DDX31: variants seen among roughly 807,000 people sequenced by gnomAD.
The protein encoded by DDX31 is ATP-dependent DNA helicase DDX31.
A neutral mutation model predicts 91.3 loss-of-function variants in DDX31; 70 were observed. That is an observed-to-expected ratio of 0.77 (90% CI 0.63 to 0.94). The LOEUF (loss-of-function observed/expected upper bound fraction) is 0.94. DDX31 is among the 40% of genes least tolerant of loss of function. The pLI is 0.00. For missense variants in DDX31, 902 were observed against 925.0 expected (o/e 0.98, Z 0.32); for synonymous variants, 362 against 350.6 (o/e 1.03, Z -0.36).
At chr9:132,660,634 G>A (rs745794698) in intron 4 of DDX31, among the ~76,000 whole-genome samples, 3 of 152,090 alleles carry the variant, frequency 2.0e-5, no homozygotes, top group Non-Finnish European at 4.4e-5. Flanking sequence ...AAAAACTTGT[G>A]GGGAGGTCCC....
chr9:132,606,964 CCA>C (rs1006454433), intron 19 of DDX31, among the ~76,000 whole-genome samples: 3 of 152,170 alleles, frequency 2.0e-5, no homozygotes, highest in African/African-American at 7.2e-5. Flanking sequence ...GAAAACCACC[CCA>C]GAGCTTTGCA....
chr9:132,642,460 G>A (rs1833563280), intron 13 of DDX31, among the ~76,000 whole-genome samples: 1 of 152,102 alleles, frequency 6.6e-6, no homozygotes, highest in African/African-American at 2.4e-5. Flanking sequence ...CTTCTCTACA[G>A]GCAGTTTTTT....
At chr9:132,659,039 G>A (rs748278770) in intron 5 of DDX31, among the ~76,000 whole-genome samples, 1 of 152,212 alleles carries the variant, frequency 6.6e-6, no homozygotes, top group Non-Finnish European at 1.5e-5. Context: ...ATGGCTGTCT[G>A]TAGGAGCCAG....
intron 19 of DDX31, among the ~76,000 whole-genome samples, chr9:132,609,869 C>G (rs140619744): frequency 0.011 from 1,742 of 152,278 alleles, 31 homozygotes; most frequent in African/African-American, 0.04. Flanking sequence ...ATCCACCCGC[C>G]TCGGCCTCCC....
intron 19 of DDX31, among the ~76,000 whole-genome samples, chr9:132,598,889 A>G (rs1286245195): frequency 6.6e-6 from 1 of 152,204 alleles, no homozygotes; most frequent in Non-Finnish European, 1.5e-5. Flanking sequence ...TATTTTGATT[A>G]ATAGAAAAAT....
Position 132,594,980 on chromosome 9 carries a change from C to T in DDX31, c.2127G>A (p.Arg709=). 6.2e-7 allele frequency: 1 copy of T among 1,614,168 alleles called. No homozygotes were observed. Among genetic ancestry groups the T allele is most frequent in the Non-Finnish European group, 8.5e-7 (1 of 1,180,040 alleles). Residue 709 remains arginine, a synonymous_variant, in exon 20 of 20, where the codon CGG becomes CGA. Transcript: ENST00000372159. ...TCGGCTGCAGACTGTGCTGCAGGGG[C>T]CGGCCACCAGGCTCTCCAGGTGCGT... ...KQNAPGEPGG[R]PLQHSLQPTP... is the part of the protein sequence containing the mutation.
intron 13 of DDX31, among the ~76,000 whole-genome samples, chr9:132,644,349 T>C (rs935116181): frequency 2.0e-5 from 3 of 152,236 alleles, no homozygotes; most frequent in Non-Finnish European, 4.4e-5. Flanking sequence ...TCCTGTGTGC[T>C]AGGCCCTGTA....
rs148212530 is a variant in DDX31, at chr9:132,611,614, G to A, written c.1994+473C>T. 8.2e-4 allele frequency among the ~76,000 whole-genome samples: 125 copies of A among 152,204 alleles called. 1 individual carries two copies. The highest frequency in any genetic ancestry group is 2.8e-3 in the African/African-American group (116 of 41,532). ...TGGGAGGAAAGGGGAAGGGCTCACC[G>A]CTCTTGCCTTGATGAGCGCTCACCA... On this transcript the variant is annotated intron_variant, in intron 19 of 19. Transcript: ENST00000372159.
intron 19 of DDX31, among the ~76,000 whole-genome samples, chr9:132,602,955 C>T (rs1035489565): frequency 2.6e-5 from 4 of 152,232 alleles, no homozygotes; most frequent in South Asian, 4.2e-4. Flanking sequence ...ACGGGGCAGG[C>T]GAGAAAGCGG....
intron 17 of DDX31, among the ~76,000 whole-genome samples, chr9:132,622,007 A>T (rs1024050156): frequency 6.6e-6 from 1 of 152,134 alleles, no homozygotes; most frequent in Non-Finnish European, 1.5e-5. Context: ...AAAAAAAAAA[A>T]AAAAAATCAC....
chr9:132,638,358 T>G (rs756850441), intron 14 of DDX31: 9 of 1,614,068 alleles, frequency 5.6e-6, no homozygotes, highest in Non-Finnish European at 6.8e-6. Flanking sequence ...TAGGGTGAGT[T>G]CTTCACTGTA....
intron 19 of DDX31, among the ~76,000 whole-genome samples, chr9:132,596,041 T>C (rs1016487328): frequency 6.6e-6 from 1 of 152,174 alleles, no homozygotes; most frequent in Non-Finnish European, 1.5e-5. Context: ...AATCCACACT[T>C]CCTTGCTGGC....
At chr9:132,633,100 T>A (rs1285194080) in intron 14 of DDX31, among the ~76,000 whole-genome samples, 1 of 152,236 alleles carries the variant, frequency 6.6e-6, no homozygotes, top group Non-Finnish European at 1.5e-5. Flanking sequence ...TACCCCCATC[T>A]GACAGATGAC....
intron 18 of DDX31, among the ~76,000 whole-genome samples, chr9:132,613,633 G>A (rs890980419): frequency 1.3e-5 from 2 of 152,198 alleles, no homozygotes; most frequent in African/African-American, 2.4e-5. Flanking sequence ...GGCTGAGGAT[G>A]GAGTTAGCAG....
chr9:132,646,892 C>T lies in DDX31; in HGVS notation c.1134G>A (p.Gln378=). The change falls in exon 12 of 20, where the codon CAG becomes CAA. Residue 378 remains glutamine, a synonymous_variant. Transcript: ENST00000372159. The stretch of plus-strand genomic sequence containing the variant: ...GTTTGCTGGGAACCACAGTCACATG[C>T]TGCTTGAGACTCTCTGGTATTGCAA... The part of the protein sequence containing the change: ...DSFAIPESLK[Q]HVTVVPSKLR... The T allele has an allele frequency of 2.5e-6, 4 of 1,614,186 alleles. No homozygotes were observed. The highest frequency in any genetic ancestry group is 3.4e-6 in the Non-Finnish European group (4 of 1,180,038).
Position 132,594,826 on chromosome 9 carries a change from C to T in DDX31, c.*40G>A, listed in dbSNP as rs1266722410. 6.2e-7 allele frequency: 1 copy of T among 1,603,626 alleles called. No individual in the cohort carries two copies. Among genetic ancestry groups the T allele is most frequent in the Non-Finnish European group, 8.5e-7 (1 of 1,174,048 alleles). ...AGAACTGGACATCAATCCACTGCCA[C>T]CCGGGGCTTCCAGGTTCCACTCGAA... On this transcript the variant is annotated 3_prime_UTR_variant, in exon 20 of 20. Coordinates refer to ENST00000372159, the MANE Select transcript of DDX31 (RefSeq NM_022779.9).
intron 1 of DDX31, among the ~76,000 whole-genome samples, chr9:132,666,830 C>A (rs2050217231): frequency 6.6e-6 from 1 of 152,148 alleles, no homozygotes; most frequent in South Asian, 2.1e-4. Flanking sequence ...CCTCAGCCTC[C>A]CGAGTGGCTT....
intron 1 of DDX31, chr9:132,669,471 A>AAC: frequency 2.0e-6 from 1 of 500,692 alleles, no homozygotes; most frequent in Admixed American, 6.1e-5. Flanking sequence ...TGGGCAAGAT[A>AAC]AAAAAAAAAA....
chr9:132,631,930 C>T, intron 15 of DDX31, 111 bp downstream of exon 15: 1 of 991,768 alleles, frequency 1.0e-6, no homozygotes, highest in Non-Finnish European at 1.5e-6. Flanking sequence ...TGCCTGGTTA[C>T]CAGGGCAACA....
Sources: gnomAD v4.1 joint callset for allele counts (sites outside exome capture counted in the v4.1 genomes callset) on GRCh38, gnomAD v4.1.1 for gene constraint, MANE v1.5 for transcripts, NCBI Gene and HGNC (gene_info 2026-07-23, HGNC 2026-07-21) for gene names.